ABCG2: variants seen among roughly 807,000 people sequenced by gnomAD.
The protein encoded by ABCG2 is ATP binding cassette subfamily G member 2 (JR blood group).
ABCG2 carries 80 observed loss-of-function variants against 73.5 expected under a neutral mutation model. The ratio of observed to expected loss-of-function variants is 1.09; its 90% CI spans 0.91 to 1.31. The LOEUF is 1.31. ABCG2 is among the 50% of genes most tolerant of loss of function. The pLI is 0.00. For missense variants in ABCG2, 796 were observed against 786.2 expected (o/e 1.01, Z -0.15); for synonymous variants, 269 against 282.4 (o/e 0.95, Z 0.48).
chr4:88,156,821 C>T (rs114435611), intron 1 of ABCG2, among the ~76,000 whole-genome samples: 7,241 of 152,154 alleles, frequency 0.048, 229 homozygotes, highest in Middle Eastern at 0.068. Flanking sequence ...TAAGAAGTAT[C>T]GGCTAGGGCA....
chr4:88,172,093 G>A (rs976264369), intron 1 of ABCG2, among the ~76,000 whole-genome samples: 10 of 151,964 alleles, frequency 6.6e-5, no homozygotes, highest in African/African-American at 1.9e-4. Flanking sequence ...TCAGGAGTTC[G>A]AGACCAGCCT....
intron 1 of ABCG2, among the ~76,000 whole-genome samples, chr4:88,188,232 C>G (rs1046650143): frequency 3.9e-5 from 6 of 152,186 alleles, no homozygotes; most frequent in African/African-American, 1.4e-4. Context: ...GTTGAAACAT[C>G]TATCCTTTCC....
chr4:88,183,994 T>G (rs1227961880), intron 1 of ABCG2, among the ~76,000 whole-genome samples: 1 of 152,182 alleles, frequency 6.6e-6, no homozygotes, highest in African/African-American at 2.4e-5. Flanking sequence ...AAAAAGCATT[T>G]GCTAACATTC....
At chr4:88,170,610 G>C (rs140376898) in intron 1 of ABCG2, among the ~76,000 whole-genome samples, 1 of 152,198 alleles carries the variant, frequency 6.6e-6, no homozygotes, top group Non-Finnish European at 1.5e-5. Context: ...TTGCCTCTCC[G>C]GCATTCAAAG....
Position 88,132,597 on chromosome 4 carries a change from G to A in ABCG2, c.242C>T (p.Pro81Leu), listed in dbSNP as rs144647749. 1.9e-6 allele frequency: 3 copies of A among 1,614,018 alleles called. No individual in the cohort carries two copies. Among genetic ancestry groups the A allele is most frequent in the Non-Finnish European group, 1.7e-6 (2 of 1,180,030 alleles). The stretch of plus-strand genomic sequence containing the variant: ...TCACGAAGATTTGCCTCCACCTGTG[G>A]GTCCCAGGATGGCGTTGAGACCAGG... The part of the protein sequence containing the change: ...MKPGLNAILG[P>L]TGGGKSSLLD... The change falls in exon 3 of 16, where the codon CCC becomes CTC. Residue 81 changes from proline to leucine, a missense_variant. Coordinates refer to ENST00000237612, the MANE Select transcript of ABCG2 (RefSeq NM_004827.3).
intron 14 of ABCG2, among the ~76,000 whole-genome samples, chr4:88,094,981 T>C (rs770078236): frequency 6.6e-6 from 1 of 152,208 alleles, no homozygotes; most frequent in Non-Finnish European, 1.5e-5. Context: ...AATGATACAG[T>C]GGTGCTCAAT....
At chr4:88,141,510 AG>A (rs1725641590) in intron 1 of ABCG2, among the ~76,000 whole-genome samples, 1 of 152,204 alleles carries the variant, frequency 6.6e-6, no homozygotes, top group South Asian at 2.1e-4. Context: ...CTAACAGAGG[AG>A]GAGCCCTGGA....
chr4:88,136,405 G>A (rs1167435379), intron 2 of ABCG2, among the ~76,000 whole-genome samples: 2 of 152,132 alleles, frequency 1.3e-5, no homozygotes, highest in African/African-American at 2.4e-5. Context: ...CTAGGTCTGA[G>A]GCAGGGTAAG....
intron 1 of ABCG2, among the ~76,000 whole-genome samples, chr4:88,230,357 G>A (rs1001244717): frequency 4.1e-5 from 5 of 120,538 alleles, no homozygotes; most frequent in East Asian, 2.5e-4. Flanking sequence ...TTTTTGAGAC[G>A]GAGTCTCGCA....
chr4:88,104,898 T>C (rs539652757), intron 10 of ABCG2, among the ~76,000 whole-genome samples: 19 of 152,366 alleles, frequency 1.2e-4, no homozygotes, highest in African/African-American at 4.6e-4. Flanking sequence ...AGAGCTTTAA[T>C]GGCCAGATTT....
At chr4:88,144,019 C>G (rs1344353184) in intron 1 of ABCG2, among the ~76,000 whole-genome samples, 1 of 152,152 alleles carries the variant, frequency 6.6e-6, no homozygotes, top group Non-Finnish European at 1.5e-5. Flanking sequence ...TGGTCAGAAG[C>G]TTTCTGGACA....
At chr4:88,149,220 A>C (rs1349019867) in intron 1 of ABCG2, among the ~76,000 whole-genome samples, 1 of 152,182 alleles carries the variant, frequency 6.6e-6, no homozygotes, top group Non-Finnish European at 1.5e-5. Context: ...TCTCTAAAAT[A>C]TAAAAATAAA....
At chr4:88,146,061 G>A (rs1725976341) in intron 1 of ABCG2, among the ~76,000 whole-genome samples, 1 of 152,124 alleles carries the variant, frequency 6.6e-6, no homozygotes. Context: ...GGATAACAGA[G>A]GCAATGACAG....
At chr4:88,128,995 AAC>A (rs1356896339) in intron 5 of ABCG2, among the ~76,000 whole-genome samples, 1 of 152,222 alleles carries the variant, frequency 6.6e-6, no homozygotes, top group Non-Finnish European at 1.5e-5. Flanking sequence ...TGAAGTTCAG[AAC>A]ACTAAAAGAT....
rs551403171 is a variant in ABCG2 at position 88,188,204 on chromosome 4, G to T, written c.-20+42790C>A. On this transcript the variant is annotated intron_variant, in intron 1 of 15. Transcript: ENST00000515655. Reference sequence around the variant, plus strand: ...TTATTCTTTCATATGCGGCTATCCAGTTTTCCCAGCCTCATATGTTGAAAC... The same window carrying T: ...TTATTCTTTCATATGCGGCTATCCATTTTTCCCAGCCTCATATGTTGAAAC... Among the ~76,000 whole-genome samples the T allele has an allele frequency of 1.3e-4, 20 of 152,236 alleles. No homozygotes were observed. The Middle Eastern group carries it at 0.014, about 104-fold the overall frequency.
rs973830132 is a variant in ABCG2, at chr4:88,132,720, G to A, written c.204-85C>T. On this transcript the variant is annotated intron_variant, in intron 2 of 15. Coordinates refer to ENST00000237612, the MANE Select transcript of ABCG2 (RefSeq NM_004827.3). The stretch of plus-strand genomic sequence containing the variant: ...AGGGTAGGCACTGAATATACTCAAT[G>A]AAGGTTGATGAAATTACAAATAGAA... The A allele has an allele frequency of 7.2e-6, 10 of 1,398,504 alleles. No homozygotes were observed. The African/African-American group carries it at 1.4e-4, about 20-fold the overall frequency. The allele number at this position is 1,398,504 out of a possible 1,614,324, so 86.6% of individuals were successfully genotyped here. A position where few individuals can be genotyped will look rare whatever the true frequency, so the allele number is the denominator to read the frequency against.
At chr4:88,137,675 G>A (rs991309882) in intron 2 of ABCG2, among the ~76,000 whole-genome samples, 19 of 152,188 alleles carry the variant, frequency 1.2e-4, no homozygotes, top group African/African-American at 3.4e-4. Context: ...GGAGAGGGTC[G>A]TTTTTTCAAG....
intron 6 of ABCG2, among the ~76,000 whole-genome samples, chr4:88,120,195 T>C (rs1296738973): frequency 6.6e-6 from 1 of 152,134 alleles, no homozygotes; most frequent in Admixed American, 6.5e-5. Flanking sequence ...AGAGGATGTA[T>C]GGAAATACCT....
chr4:88,091,959 A>G lies in ABCG2; in HGVS notation c.*275T>C, dbSNP rs897119621. The G allele has an allele frequency of 1.8e-5, 5 of 275,658 alleles. No homozygotes were observed. Among genetic ancestry groups the G allele is most frequent in the Admixed American group, 4.8e-5 (1 of 20,986 alleles). The allele number at this position is 275,658 out of a possible 1,614,324, so 17.1% of individuals were successfully genotyped here. ...ACTTGTCAGGAGTTTCCAGAATTCA[A>G]TTCTCCTTTTTTAGATTAATAAATT... On this transcript the variant is annotated 3_prime_UTR_variant, in exon 16 of 16. Transcript: ENST00000237612.
Sources: gnomAD v4.1 joint callset for allele counts (sites outside exome capture counted in the v4.1 genomes callset) on GRCh38, gnomAD v4.1.1 for gene constraint, MANE v1.5 for transcripts, NCBI Gene and HGNC (gene_info 2026-07-23, HGNC 2026-07-21) for gene names.